The following SMYD3 variants were observed in gnomAD, a reference collection of about 807,000 sequenced individuals.
SMYD3 encodes the protein histone-lysine N-methyltransferase SMYD3.
A neutral mutation model predicts 57.7 loss-of-function variants in SMYD3; 36 were observed. The ratio of observed to expected loss-of-function variants is 0.62; its 90% confidence interval spans 0.48 to 0.82. The LOEUF is 0.82. Among genes scored for constraint, SMYD3 ranks in the 40% least tolerant of loss-of-function variants. SMYD3 has a pLI of 0.00. For synonymous variants in SMYD3, 211 were observed against 195.0 expected (o/e 1.08, Z -0.68); for missense variants, 515 against 538.8 (o/e 0.96, Z 0.44).
chr1:246,503,613 C>T (rs1274048474), intron 1 of SMYD3, among the ~76,000 whole-genome samples: 4 of 152,308 alleles, frequency 2.6e-5, no homozygotes, highest in Middle Eastern at 6.8e-3. Flanking sequence ...CAATTGTCAA[C>T]CAACCTGTTC....
intron 5 of SMYD3, among the ~76,000 whole-genome samples, chr1:246,217,424 G>A (rs529603500): frequency 6.6e-6 from 1 of 152,184 alleles, no homozygotes; most frequent in African/African-American, 2.4e-5. Flanking sequence ...TGGGAGGATC[G>A]CTCGAGCCCG....
At chr1:246,087,634 T>C (rs558619409) in intron 5 of SMYD3, among the ~76,000 whole-genome samples, 4 of 152,370 alleles carry the variant, frequency 2.6e-5, no homozygotes, top group Admixed American at 6.5e-5. Flanking sequence ...CAAAACACTT[T>C]AGCCTACCAA....
At chr1:246,420,033 T>C (rs2102996417) in intron 1 of SMYD3, among the ~76,000 whole-genome samples, 1 of 152,284 alleles carries the variant, frequency 6.6e-6, no homozygotes, top group African/African-American at 2.4e-5. Flanking sequence ...ACCCCGTCTC[T>C]ATTAAAAATA....
At chr1:245,797,186 C>A (rs1203470181) in intron 10 of SMYD3, among the ~76,000 whole-genome samples, 3 of 152,070 alleles carry the variant, frequency 2.0e-5, no homozygotes, top group South Asian at 2.1e-4. Flanking sequence ...GGTCCATACC[C>A]AAAGGAATAT....
intron 10 of SMYD3, among the ~76,000 whole-genome samples, chr1:245,839,175 A>C (rs960521576): frequency 7.3e-5 from 11 of 150,534 alleles, no homozygotes; most frequent in Admixed American, 7.3e-4. Context: ...ATTTTATTTT[A>C]ATTTTTATTA....
intron 8 of SMYD3, among the ~76,000 whole-genome samples, chr1:245,894,867 A>G (rs1225860464): frequency 1.3e-5 from 2 of 152,206 alleles, no homozygotes; most frequent in African/African-American, 4.8e-5. Context: ...TGGAAAGGTG[A>G]GACAGAATTC....
chr1:246,279,831 G>A (rs1413881998), intron 5 of SMYD3, among the ~76,000 whole-genome samples: 7 of 152,164 alleles, frequency 4.6e-5, no homozygotes, highest in South Asian at 4.1e-4. Flanking sequence ...TCCTTAAGGC[G>A]TCTTCCAGGT....
chr1:245,834,340 C>A (rs1379924549), intron 10 of SMYD3, among the ~76,000 whole-genome samples: 1 of 152,164 alleles, frequency 6.6e-6, no homozygotes, highest in Non-Finnish European at 1.5e-5. Context: ...AGTGGCTGAC[C>A]TTTGTCACGA....
chr1:246,048,273 G>A (rs2060004977), intron 5 of SMYD3, among the ~76,000 whole-genome samples: 1 of 152,144 alleles, frequency 6.6e-6, no homozygotes, highest in Admixed American at 6.5e-5. Context: ...TACATTGTGG[G>A]TGAAATTATA....
At chr1:246,001,180 T>A (rs1452266092) in intron 5 of SMYD3, among the ~76,000 whole-genome samples, 4 of 152,208 alleles carry the variant, frequency 2.6e-5, no homozygotes, top group Non-Finnish European at 4.4e-5. Flanking sequence ...AACGCTGCCT[T>A]CCCACCTATT....
Position 246,334,779 on chromosome 1 carries a change from T to C in SMYD3, c.336+588A>G, listed in dbSNP as rs1014716418. Among the ~76,000 whole-genome samples the C allele has an allele frequency of 2.6e-5, 4 of 152,256 alleles. No individual in the cohort carries two copies. In the East Asian group the frequency reaches 7.7e-4, roughly 29 times the overall value. On this transcript the variant is annotated intron_variant, in intron 3 of 11. Coordinates refer to ENST00000490107, the MANE Select transcript of SMYD3 (RefSeq NM_001167740.2). ...CCTAAAGAATTATAAATTAACTGAT[T>C]AAAAATTAACTGATTTTCTGCAATC...
chr1:246,095,410 A>G (rs1410248414), intron 5 of SMYD3, among the ~76,000 whole-genome samples: 1 of 152,258 alleles, frequency 6.6e-6, no homozygotes, highest in Non-Finnish European at 1.5e-5. Flanking sequence ...GGCAAACAAC[A>G]CAGCAGAGGA....
chr1:246,117,766 G>T (rs1483699097), intron 5 of SMYD3, among the ~76,000 whole-genome samples: 1 of 152,176 alleles, frequency 6.6e-6, no homozygotes, highest in African/African-American at 2.4e-5. Flanking sequence ...ATGGTGGTTT[G>T]CTGTGCCTAT....
chr1:246,147,854 G>C (rs2878081), intron 5 of SMYD3, among the ~76,000 whole-genome samples: 131,323 of 151,812 alleles, frequency 0.87, 56,992 homozygotes, highest in Admixed American at 0.91. Flanking sequence ...CGTGAACTCC[G>C]CAGGTGCAGA....
chr1:246,055,840 A>G (rs1054591858), intron 5 of SMYD3, among the ~76,000 whole-genome samples: 76 of 152,332 alleles, frequency 5.0e-4, no homozygotes, highest in Non-Finnish European at 7.6e-4. Flanking sequence ...GGTGGTTGCC[A>G]GAGGCTGGGG....
At chr1:246,136,311 C>T (rs1346190208) in intron 5 of SMYD3, among the ~76,000 whole-genome samples, 1 of 152,124 alleles carries the variant, frequency 6.6e-6, no homozygotes, top group Non-Finnish European at 1.5e-5. Context: ...TGGCTACCCA[C>T]CCCCAATTCC....
At chr1:245,898,145 G>A (rs543182828) in intron 8 of SMYD3, among the ~76,000 whole-genome samples, 2 of 152,232 alleles carry the variant, frequency 1.3e-5, no homozygotes, top group East Asian at 3.9e-4. Context: ...ATTGCTTCTA[G>A]GCCTTTTGGT....
At chr1:246,194,511 C>T (rs751649464) in intron 5 of SMYD3, among the ~76,000 whole-genome samples, 20 of 152,156 alleles carry the variant, frequency 1.3e-4, no homozygotes, top group Non-Finnish European at 2.2e-4. Context: ...TCGTGTTCCG[C>T]CTGCTTAGGC....
chr1:246,088,324 G>A (rs141836184), intron 5 of SMYD3, among the ~76,000 whole-genome samples: 258 of 151,262 alleles, frequency 1.7e-3, no homozygotes, highest in African/African-American at 6.1e-3. Flanking sequence ...CATTTCTCCC[G>A]GCTTAAAAGT....
Sources: allele counts gnomAD v4.1 joint callset (sites outside exome capture counted in the v4.1 genomes callset), GRCh38; gene constraint gnomAD v4.1.1; transcripts MANE v1.5; gene names NCBI Gene and HGNC (gene_info 2026-07-23, HGNC 2026-07-21).